The following PLCE1 variants were observed in gnomAD, a reference collection of about 807,000 sequenced individuals.
The protein encoded by PLCE1 is phospholipase C epsilon 1.
In PLCE1, 119 loss-of-function variants were observed where a neutral mutation model predicts 242.8. The observed-to-expected ratio is 0.49, with a 90% CI of 0.42 to 0.57. The LOEUF is 0.57. Among genes scored for constraint, PLCE1 ranks in the 20% least tolerant of loss-of-function variants. The pLI is 0.00. For synonymous variants in PLCE1, 945 were observed against 1,017.4 expected (o/e 0.93, Z 1.35); for missense variants, 2,441 against 2,788.8 (o/e 0.88, Z 2.81).
At chr10:94,248,669 G>GA (rs61637083) in intron 8 of PLCE1, among the ~76,000 whole-genome samples, 298 of 143,374 alleles carry the variant, frequency 2.1e-3, no homozygotes, top group Admixed American at 3.4e-3. Flanking sequence ...TACTCAGCTG[G>GA]AAAAAAAAAA....
intron 2 of PLCE1, chr10:94,108,911 T>G (rs1376563191): frequency 2.0e-5 from 3 of 152,268 alleles, no homozygotes; most frequent in Non-Finnish European, 4.4e-5. Context: ...GAACTTTGTC[T>G]CTTAAGAGCA....
intron 1 of PLCE1, among the ~76,000 whole-genome samples, chr10:94,009,635 C>G (rs759870052): frequency 6.6e-6 from 1 of 152,200 alleles, no homozygotes; most frequent in Non-Finnish European, 1.5e-5. Flanking sequence ...ACTTCCAAGA[C>G]ACAATGGTGG....
chr10:94,083,563 C>T (rs2044716741), intron 2 of PLCE1, among the ~76,000 whole-genome samples: 1 of 152,224 alleles, frequency 6.6e-6, no homozygotes, highest in African/African-American at 2.4e-5. Flanking sequence ...TCCATTTGCC[C>T]TGCTGTGCAG....
chr10:94,244,915 G>T (rs1257524942), intron 7 of PLCE1, among the ~76,000 whole-genome samples: 1 of 152,054 alleles, frequency 6.6e-6, no homozygotes, highest in African/African-American at 2.4e-5. Context: ...TGCCCAGCCT[G>T]GTCTCAAACT....
chr10:94,167,163 C>G (rs957693750), intron 3 of PLCE1, among the ~76,000 whole-genome samples: 1 of 152,140 alleles, frequency 6.6e-6, no homozygotes, highest in African/African-American at 2.4e-5. Context: ...TGGTGACACA[C>G]GCCTGTAATC....
At chr10:94,065,584 C>T (rs940090690) in intron 2 of PLCE1, among the ~76,000 whole-genome samples, 26 of 152,152 alleles carry the variant, frequency 1.7e-4, no homozygotes, top group Non-Finnish European at 3.4e-4. Flanking sequence ...TTGCCTACCC[C>T]CATAAAATTA....
At chr10:94,238,686 T>G (rs915720381) in intron 7 of PLCE1, among the ~76,000 whole-genome samples, 3 of 152,178 alleles carry the variant, frequency 2.0e-5, no homozygotes, top group African/African-American at 7.2e-5. Context: ...TATAGAGGCA[T>G]GGAGACCTAA....
intron 24 of PLCE1, among the ~76,000 whole-genome samples, chr10:94,304,172 C>A (rs1443301465): frequency 1.3e-5 from 2 of 152,200 alleles, no homozygotes; most frequent in Non-Finnish European, 1.5e-5. Context: ...ACAGATGTAG[C>A]AAATATTTGC....
Position 94,329,375 on chromosome 10 carries a change from A to G in PLCE1, c.*1432A>G, listed in dbSNP as rs2054129107. On this transcript the variant is annotated 3_prime_UTR_variant, in exon 33 of 33. Coordinates refer to ENST00000371380, the MANE Select transcript of PLCE1 (RefSeq NM_016341.4). ...ATTTTAAGACACTTTTCTTCAAATT[A>G]CAAAACACTAAAACTCACTCCTAAA... 6.6e-6 allele frequency: 1 copy of G among 152,218 alleles called. No homozygotes were observed. The highest frequency in any genetic ancestry group is 2.1e-4 in the South Asian group (1 of 4,832). The allele number at this position is 152,218 out of a possible 1,614,324, so 9.4% of individuals were successfully genotyped here.
Position 94,265,665 on chromosome 10 carries a change from A to G in PLCE1, c.4072A>G (p.Ser1358Gly). ...SIIQKFEPSI[S>G]MCHQGLMSFE... The stretch of plus-strand genomic sequence containing the variant: ...CTTGCAGAAGTTCGAGCCTAGCATC[A>G]GTATGTGTCATCAGGGACTAATGTC... The change falls in exon 15 of 33, where the codon AGT becomes GGT. Residue 1358 changes from serine to glycine, a missense_variant. Physicochemically the swap from Ser to Gly is moderately conservative, Grantham distance 56 (BLOSUM62 0). This residue lies in a region of PLCE1 where 1,004 missense variants were observed against 1,322.7 expected (regional missense o/e 0.76). Transcript: ENST00000371380. 6.2e-7 allele frequency: 1 copy of G among 1,613,872 alleles called. No homozygotes were observed.
intron 1 of PLCE1, among the ~76,000 whole-genome samples, chr10:94,008,649 A>G (rs2061100136): frequency 6.6e-6 from 1 of 152,188 alleles, no homozygotes; most frequent in South Asian, 2.1e-4. Flanking sequence ...TATTGATAGA[A>G]TATGCCTTGT....
chr10:94,322,182 AGT>A, intron 30 of PLCE1, 123 bp downstream of exon 30: 1 of 903,268 alleles, frequency 1.1e-6, no homozygotes, highest in Non-Finnish European at 1.8e-6. Context: ...CTCAAAGGGG[AGT>A]GTGTGCCTCT....
At chr10:94,000,175 C>T (rs2060906943) in intron 1 of PLCE1, among the ~76,000 whole-genome samples, 1 of 152,202 alleles carries the variant, frequency 6.6e-6, no homozygotes, top group South Asian at 2.1e-4. Flanking sequence ...AAGAGGGGCT[C>T]TATTGTTAGA....
At chr10:94,179,939 A>T (rs1330681496) in intron 4 of PLCE1, among the ~76,000 whole-genome samples, 2 of 151,590 alleles carry the variant, frequency 1.3e-5, no homozygotes, top group Admixed American at 1.3e-4. Flanking sequence ...TAGTTCCCAA[A>T]AAAAAAAAAA....
chr10:94,233,969 A>G (rs2050231919), intron 5 of PLCE1, 85 bp from the exon 6 acceptor site: 3 of 1,261,190 alleles, frequency 2.4e-6, no homozygotes, highest in Non-Finnish European at 3.4e-6. Context: ...TGGTAAAAAG[A>G]ATGAATTTGT....
At chr10:94,205,825 C>T (rs1193252680) in intron 4 of PLCE1, among the ~76,000 whole-genome samples, 1 of 152,230 alleles carries the variant, frequency 6.6e-6, no homozygotes, top group African/African-American at 2.4e-5. Context: ...CTCCTGTCGT[C>T]AGTTGGCCAG....
intron 2 of PLCE1, chr10:94,096,547 A>G (rs1204203325): frequency 6.6e-6 from 1 of 152,170 alleles, no homozygotes; most frequent in Non-Finnish European, 1.5e-5. Flanking sequence ...TGAGAACAGC[A>G]TGAAGGTGAC....
intron 2 of PLCE1, among the ~76,000 whole-genome samples, chr10:94,103,274 A>C (rs778684161): frequency 3.9e-5 from 6 of 152,176 alleles, no homozygotes; most frequent in Non-Finnish European, 7.3e-5. Context: ...TATTTTTACA[A>C]GATAAATGGC....
rs2054155374 is a variant in PLCE1 at position 94,331,509 on chromosome 10, G to A, written c.*3566G>A. 1 of 152,188 alleles carries A rather than the reference G, an allele frequency of 6.6e-6. No homozygotes were observed. 9.4% of individuals were successfully genotyped at this position (152,188 alleles called of 1,614,324 possible). A position where few individuals can be genotyped will look rare whatever the true frequency, so the allele number is the denominator to read the frequency against. On this transcript the variant is annotated 3_prime_UTR_variant, in exon 33 of 33. Transcript: ENST00000371380. ...TATGCTCCCATGCTAGTAAAGAAGA[G>A]TAGGATTTTCCTGGCTGGTGTCTTT... is the stretch of plus-strand genomic sequence containing the variant.
Sources: gnomAD v4.1 joint callset for allele counts (sites outside exome capture counted in the v4.1 genomes callset) on GRCh38, gnomAD v4.1.1 for gene constraint, gnomAD v4.1.1 regional missense constraint, MANE v1.5 for transcripts, NCBI Gene and HGNC (gene_info 2026-07-23, HGNC 2026-07-21) for gene names.